The following ANKFN1 variants were observed in gnomAD, a reference collection of about 807,000 sequenced individuals.
ANKFN1 encodes the protein ankyrin repeat and fibronectin type-III domain-containing protein 1.
In ANKFN1, 74 loss-of-function variants were observed where a neutral mutation model predicts 108.7. That is an observed-to-expected ratio of 0.68 (90% CI 0.56 to 0.83). The LOEUF is 0.83. Ranked by LOEUF, ANKFN1 falls within the 40% of genes least tolerant of loss-of-function variation. The pLI, the probability that ANKFN1 is intolerant of heterozygous loss-of-function variation, is 0.00. For missense variants in ANKFN1, 1,505 were observed against 1,382.3 expected, an observed-to-expected ratio of 1.09 and a Z score of -1.41; for synonymous variants, 547 against 516.2, an observed-to-expected ratio of 1.06 and a Z score of -0.81.
intron 17 of ANKFN1, 29 bp downstream of exon 17, chr17:56,480,847 T>C (rs1270290095): frequency 6.2e-7 from 1 of 1,601,644 alleles, no homozygotes; most frequent in Admixed American, 1.7e-5. Flanking sequence ...TTTATCTTCT[T>C]TTTTTATGGC....
At chr17:56,168,429 A>C (rs1453365152) in intron 1 of ANKFN1, among the ~76,000 whole-genome samples, 2 of 152,106 alleles carry the variant, frequency 1.3e-5, no homozygotes, top group African/African-American at 2.4e-5. Context: ...TTGTATATGT[A>C]TTTATTATTC....
chr17:56,256,180 A>G (rs944033391), intron 3 of ANKFN1, among the ~76,000 whole-genome samples: 1 of 152,190 alleles, frequency 6.6e-6, no homozygotes, highest in Non-Finnish European at 1.5e-5. Context: ...GCTGTGAAGG[A>G]GTTAGGAAAG....
At chr17:56,272,229 C>G (rs2043811721) in intron 3 of ANKFN1, among the ~76,000 whole-genome samples, 1 of 152,132 alleles carries the variant, frequency 6.6e-6, no homozygotes, top group South Asian at 2.1e-4. Context: ...GATTGTACAA[C>G]TATCACCTCC....
At chr17:56,300,297 G>A (rs953580587) in intron 3 of ANKFN1, among the ~76,000 whole-genome samples, 4 of 152,186 alleles carry the variant, frequency 2.6e-5, no homozygotes, top group Admixed American at 6.5e-5. Flanking sequence ...GATGTCGCTC[G>A]ATGAGGGCAC....
At chr17:56,102,355 C>T (rs1905664193) in intron 4 of ANKFN1, among the ~76,000 whole-genome samples, 1 of 152,182 alleles carries the variant, frequency 6.6e-6, no homozygotes, top group African/African-American at 2.4e-5. Flanking sequence ...TACTAGACTA[C>T]ATCATAGTAC....
At chr17:56,223,832 A>G (rs886204616) in intron 2 of ANKFN1, among the ~76,000 whole-genome samples, 1 of 152,232 alleles carries the variant, frequency 6.6e-6, no homozygotes, top group African/African-American at 2.4e-5. Flanking sequence ...TGAAGACAAC[A>G]TAACTGTCAC....
intron 15 of ANKFN1, among the ~76,000 whole-genome samples, chr17:56,467,791 G>GAAAGAAAGAAAGAAGAAAGA (rs11414270): frequency 2.5e-4 from 14 of 55,020 alleles, no homozygotes; most frequent in East Asian, 2.0e-3. Context: ...AAGAAAGAAA[G>GAAAGAAAGAAAGAAGAAAGA]AAGAAAGAAA....
chr17:56,189,997 CA>C (rs59587527), intron 1 of ANKFN1, among the ~76,000 whole-genome samples: 77 of 143,226 alleles, frequency 5.4e-4, no homozygotes, highest in Middle Eastern at 3.6e-3. Context: ...CATCCATGTG[CA>C]AAAAAAAAAA....
intron 1 of ANKFN1, among the ~76,000 whole-genome samples, chr17:56,159,053 A>AAG (rs1039675365): frequency 2.6e-5 from 4 of 151,014 alleles, no homozygotes; most frequent in Admixed American, 1.3e-4. Context: ...AAAAAAAAAA[A>AAG]AAGCAGAAGA....
At chr17:56,445,112 A>G (rs1201895397) in intron 10 of ANKFN1, among the ~76,000 whole-genome samples, 1 of 152,228 alleles carries the variant, frequency 6.6e-6, no homozygotes, top group African/African-American at 2.4e-5. Context: ...AAGATTTGCC[A>G]GAAACACAAA....
At chr17:56,439,926 T>C (rs1036340085) in intron 8 of ANKFN1, among the ~76,000 whole-genome samples, 2 of 152,118 alleles carry the variant, frequency 1.3e-5, no homozygotes, top group African/African-American at 4.8e-5. Context: ...TGTGTGTGTA[T>C]ATTCATATAC....
At chr17:56,120,037 T>A (rs1906517223) in intron 4 of ANKFN1, among the ~76,000 whole-genome samples, 2 of 152,188 alleles carry the variant, frequency 1.3e-5, no homozygotes, top group Admixed American at 1.3e-4. Context: ...AAGCTTCAAA[T>A]AGCTAACTAG....
chr17:56,482,611 T>G, intron 18 of ANKFN1, 87 bp downstream of exon 18: 1 of 1,465,932 alleles, frequency 6.8e-7, no homozygotes, highest in Non-Finnish European at 9.2e-7. Context: ...CTTGTCCCAG[T>G]GGAGGGTCAA....
chr17:56,464,022 C>A (rs374217610), intron 14 of ANKFN1: 1 of 152,120 alleles, frequency 6.6e-6, no homozygotes, highest in East Asian at 1.9e-4. Flanking sequence ...GATCACCTAA[C>A]CTTGATTATG....
At chr17:56,412,987 A>T (rs2048139858) in intron 8 of ANKFN1, among the ~76,000 whole-genome samples, 1 of 152,090 alleles carries the variant, frequency 6.6e-6, no homozygotes, top group Non-Finnish European at 1.5e-5. Context: ...TAGTTTTGTT[A>T]ATCTTTTCTA....
chr17:56,512,024 T>C lies in ANKFN1; in HGVS notation c.*755T>C, dbSNP rs1303301433. Among the ~76,000 whole-genome samples, 1 of 152,182 alleles carries C rather than the reference T, an allele frequency of 6.6e-6. No homozygotes were observed. The highest frequency in any genetic ancestry group is 1.5e-5 in the Non-Finnish European group (1 of 68,038). On this transcript the variant is annotated 3_prime_UTR_variant, in exon 21 of 21. Coordinates refer to ENST00000682825, the MANE Select transcript of ANKFN1 (RefSeq NM_001370326.1). ...TGTATACTCAGCTCCCATCCAAGCA[T>C]GAAAATGATCCATAGATTTTTACAG...
intron 2 of ANKFN1, among the ~76,000 whole-genome samples, chr17:56,216,669 G>A (rs759135768): frequency 6.6e-6 from 1 of 152,164 alleles, no homozygotes; most frequent in Non-Finnish European, 1.5e-5. Flanking sequence ...CATAAAAATG[G>A]GAGCCAAAAG....
chr17:56,234,989 C>A (rs11867633), intron 3 of ANKFN1, among the ~76,000 whole-genome samples: 3 of 151,962 alleles, frequency 2.0e-5, no homozygotes, highest in African/African-American at 7.3e-5. Context: ...AGTGTTCCCT[C>A]TTCTCTGCAA....
chr17:56,492,936 C>A (rs1434078774), intron 19 of ANKFN1, among the ~76,000 whole-genome samples: 1 of 152,130 alleles, frequency 6.6e-6, no homozygotes, highest in Non-Finnish European at 1.5e-5. Context: ...GACTAGTAAT[C>A]AAGAGAATTT....
Sources: allele counts gnomAD v4.1 joint callset (sites outside exome capture counted in the v4.1 genomes callset), GRCh38; gene constraint gnomAD v4.1.1; transcripts MANE v1.5; gene names NCBI Gene and HGNC (gene_info 2026-07-23, HGNC 2026-07-21).